The following LGR6 variants were observed in gnomAD, a reference collection of about 807,000 sequenced individuals.
LGR6 encodes leucine-rich repeat-containing G protein-coupled receptor 6.
In LGR6, 45 loss-of-function variants were observed where a neutral mutation model predicts 69.4. The observed-to-expected ratio is 0.65, with a 90% CI of 0.51 to 0.83. The LOEUF (loss-of-function observed/expected upper bound fraction) is 0.83, where lower values mean the gene tolerates loss of function less well. Among genes scored for constraint, LGR6 ranks in the 40% least tolerant of loss-of-function variants. The pLI is 0.00. For missense variants in LGR6, 1,108 were observed against 1,246.7 expected (o/e 0.89, Z 1.68); for synonymous variants, 538 against 555.0 (o/e 0.97, Z 0.43).
Position 202,268,857 on chromosome 1 carries a change from G to A in LGR6, c.429-7449G>A, listed in dbSNP as rs1664880287. 6.6e-6 allele frequency among the ~76,000 whole-genome samples: 1 copy of A among 152,176 alleles called. No homozygotes were observed. Among genetic ancestry groups the A allele is most frequent in the African/African-American group, 2.4e-5 (1 of 41,434 alleles). ...CTGTGTGGTTGCCAGGGCCCTGATA[G>A]CAGAAGGGGCCTGTACCTGGTTTAG... On this transcript the variant is annotated intron_variant, in intron 4 of 17. Transcript: ENST00000367278. The surrounding 1 kb of genome is among the most constrained non-coding windows in gnomAD (Gnocchi z 4.4).
chr1:202,256,753 A>G (rs1663806446), intron 4 of LGR6, among the ~76,000 whole-genome samples: 1 of 152,250 alleles, frequency 6.6e-6, no homozygotes, highest in African/African-American at 2.4e-5. Context: ...TTGCTGGGTC[A>G]TATAGAAACT....
At chr1:202,221,858 G>A (rs916672363) in intron 1 of LGR6, among the ~76,000 whole-genome samples, 1 of 152,220 alleles carries the variant, frequency 6.6e-6, no homozygotes, top group African/African-American at 2.4e-5. Context: ...TCCAGGCAGG[G>A]CCTGAATGTT....
chr1:202,243,199 G>A (rs575039618), intron 4 of LGR6, among the ~76,000 whole-genome samples: 1 of 152,298 alleles, frequency 6.6e-6, no homozygotes, highest in South Asian at 2.1e-4. Context: ...GTATTTCCAG[G>A]GTACCTGCTC....
At chr1:202,247,937 C>T (rs886750602) in intron 4 of LGR6, among the ~76,000 whole-genome samples, 3 of 152,208 alleles carry the variant, frequency 2.0e-5, no homozygotes, top group African/African-American at 7.2e-5. Context: ...CCCCCTCCTC[C>T]TCCCCAGCGC....
intron 3 of LGR6, among the ~76,000 whole-genome samples, chr1:202,231,786 A>C (rs570532981): frequency 6.1e-4 from 93 of 152,298 alleles, no homozygotes; most frequent in African/African-American, 2.0e-3. Context: ...TTTTAAAGGA[A>C]ACTTAAAATC....
At chr1:202,306,765 G>C (rs1442129864) in intron 12 of LGR6, 103 bp from the exon 13 acceptor site, 1 of 1,036,386 alleles carries the variant, frequency 9.6e-7, no homozygotes, top group African/African-American at 1.6e-5. Flanking sequence ...CCTGTGCCAG[G>C]AGAAGTGGGG....
At chr1:202,199,398 A>C (rs1178342915) in intron 1 of LGR6, among the ~76,000 whole-genome samples, 1 of 152,076 alleles carries the variant, frequency 6.6e-6, no homozygotes, top group Non-Finnish European at 1.5e-5. Context: ...AGGTGGGTGA[A>C]TGTGTGGGGG....
At position 202,249,778 on chromosome 1, in the gene LGR6, G is replaced by A. The variant is rs146360118; in HGVS notation, c.428+13785G>A. Among the ~76,000 whole-genome samples, 6 of 152,164 alleles carry A rather than the reference G, an allele frequency of 3.9e-5. No individual in the cohort carries two copies. In the East Asian group the frequency reaches 1.2e-3, roughly 29 times the overall value. On this transcript the variant is annotated intron_variant, in intron 4 of 17. Coordinates refer to ENST00000367278, the MANE Select transcript of LGR6 (RefSeq NM_001017403.2). The stretch of plus-strand genomic sequence containing the variant: ...GGTCCTCTTTTCCTTACTTCCTGGT[G>A]GCCACCATTGTCTGCCCGCCATCAT...
rs370607325 is a variant in LGR6, at chr1:202,318,667, C to T, written c.2364C>T (p.Pro788=). ...TCGCAGACGGGCTCCTCTACTGTCC[C>T]GTGGCCTTCCTCAGCTTTGCCTCCA... ...LIFADGLLYC[P]VAFLSFASML... The change falls in exon 18 of 18, where the codon CCC becomes CCT. Residue 788 remains proline (P), a synonymous_variant. Coordinates refer to ENST00000367278, the MANE Select transcript of LGR6 (RefSeq NM_001017403.2). The T allele has an allele frequency of 4.0e-5, 65 of 1,613,654 alleles. No individual in the cohort carries two copies. Among genetic ancestry groups the T allele is most frequent in the South Asian group, 1.8e-4 (16 of 91,078 alleles).
intron 9 of LGR6, among the ~76,000 whole-genome samples, chr1:202,301,707 G>A (rs1667607344): frequency 6.6e-6 from 1 of 152,058 alleles, no homozygotes; most frequent in Admixed American, 6.6e-5. Context: ...TCCAGCCCAA[G>A]TCCCACTTCT....
At chr1:202,204,756 C>CACACCTA (rs779519237) in intron 1 of LGR6, among the ~76,000 whole-genome samples, 2 of 23,296 alleles carry the variant, frequency 8.6e-5, no homozygotes, top group Non-Finnish European at 1.7e-4. Context: ...CAAACACACA[C>CACACCTA]ACACACCCCT....
chr1:202,265,509 A>G (rs1440426230), intron 4 of LGR6, among the ~76,000 whole-genome samples: 1 of 152,170 alleles, frequency 6.6e-6, no homozygotes, highest in Non-Finnish European at 1.5e-5. Flanking sequence ...GGGGCCCCCC[A>G]TTGCACTGTA....
rs536928069 is a variant in LGR6, at chr1:202,214,182, G to A, written c.213-11241G>A. 5 of 1,528,722 alleles carry A rather than the reference G, an allele frequency of 3.3e-6. No homozygotes were observed. In the East Asian group the frequency reaches 8.0e-5, roughly 24 times the overall value. The allele number at this position is 1,528,722 out of a possible 1,614,324, so 94.7% of individuals were successfully genotyped here. ...GCGCTTGGAGGGAGAGGGCCGCTCA[G>A]CGAGGGCGGGACAGAACCTCTCCCG... is the stretch of plus-strand genomic sequence containing the variant. On this transcript the variant is annotated intron_variant, in intron 1 of 17. Coordinates refer to ENST00000367278, the MANE Select transcript of LGR6 (RefSeq NM_001017403.2).
chr1:202,208,329 A>T (rs1020081591), intron 1 of LGR6, among the ~76,000 whole-genome samples: 1 of 151,698 alleles, frequency 6.6e-6, no homozygotes, highest in African/African-American at 2.4e-5. Flanking sequence ...AGAGTTCCTG[A>T]CCCCAGGATA....
rs788794 is a variant in LGR6 at position 202,318,409 on chromosome 1, G to A, written c.2106G>A (p.Ala702=). The change falls in exon 18 of 18, where the codon GCG becomes GCA. Residue 702 remains alanine (A), a synonymous_variant. Coordinates refer to ENST00000367278, the MANE Select transcript of LGR6 (RefSeq NM_001017403.2). ...TGGCACTGGCAGGGCTGGCCGCCGCGCTGCCCCTGGCCTCAGTGGGAGAAT... is the reference window on the plus strand; with the variant it reads ...TGGCACTGGCAGGGCTGGCCGCCGCACTGCCCCTGGCCTCAGTGGGAGAAT... ...GCLALAGLAA[A]LPLASVGEYG... The A allele has an allele frequency of 0.5, 807,306 of 1,605,864 alleles. 207,772 individuals are homozygous for A. The highest frequency in any genetic ancestry group is 0.7 in the East Asian group (31,379 of 44,800).
intron 6 of LGR6, 172 bp downstream of exon 6, chr1:202,281,024 GA>G: frequency 1.7e-6 from 1 of 596,502 alleles, no homozygotes; most frequent in Non-Finnish European, 3.0e-6. Context: ...GAATATCACT[GA>G]GAATGAATTT....
chr1:202,219,206 G>C (rs1429602099), intron 1 of LGR6, among the ~76,000 whole-genome samples: 2 of 152,228 alleles, frequency 1.3e-5, no homozygotes, highest in Middle Eastern at 3.2e-3. Context: ...GCTTTTTTCA[G>C]TGGGAGAGAA....
At chr1:202,272,752 GC>G (rs1665208480) in intron 4 of LGR6, among the ~76,000 whole-genome samples, 1 of 152,254 alleles carries the variant, frequency 6.6e-6, no homozygotes, top group South Asian at 2.1e-4. Flanking sequence ...GCGTGCACAT[GC>G]ATGTGGCCAG....
At chr1:202,262,125 T>C (rs1664286090) in intron 4 of LGR6, among the ~76,000 whole-genome samples, 1 of 151,992 alleles carries the variant, frequency 6.6e-6, no homozygotes, top group African/African-American at 2.4e-5. Context: ...TTTGTTGCCA[T>C]TGCTTTTGGT....
Sources: gnomAD v4.1 joint callset for allele counts (sites outside exome capture counted in the v4.1 genomes callset) on GRCh38, gnomAD v4.1.1 for gene constraint, Gnocchi (gnomAD v3.1) non-coding constraint, MANE v1.5 for transcripts, NCBI Gene and HGNC (gene_info 2026-07-23, HGNC 2026-07-21) for gene names.